The following PACRG variants were observed in gnomAD, a reference collection of about 807,000 sequenced individuals.
PACRG encodes the protein parkin coregulated, also known as parkin coregulated gene protein.
Under a neutral mutation model 29.7 loss-of-function variants are expected in PACRG, and 29 were observed. The ratio of observed to expected loss-of-function variants is 0.98; its 90% CI spans 0.73 to 1.33. The LOEUF is 1.33. Among genes scored for constraint, PACRG ranks in the 40% most tolerant of loss-of-function variants. The pLI, the probability that PACRG is intolerant of heterozygous loss-of-function variation, is 0.00. For missense variants in PACRG, 279 were observed against 316.2 expected (o/e 0.88, Z 0.89); for synonymous variants, 116 against 118.7 (o/e 0.98, Z 0.15).
chr6:163,295,725 A>G (rs1202117292), intron 4 of PACRG, among the ~76,000 whole-genome samples: 2 of 152,358 alleles, frequency 1.3e-5, no homozygotes, highest in East Asian at 3.9e-4. Context: ...TTACTAGTAG[A>G]TAGCAGCTGC....
intron 4 of PACRG, among the ~76,000 whole-genome samples, chr6:163,149,239 G>A (rs1777967264): frequency 6.6e-6 from 1 of 151,944 alleles, no homozygotes; most frequent in African/African-American, 2.4e-5. Flanking sequence ...AGCTTCCGGA[G>A]GGGACGCCTC....
At chr6:163,189,980 A>T (rs931449280) in intron 4 of PACRG, 4 of 152,232 alleles carry the variant, frequency 2.6e-5, no homozygotes, top group Non-Finnish European at 5.9e-5. Context: ...AGTAACATTC[A>T]TTTATATGAA....
At chr6:162,996,129 CGTGT>C (rs1249963693) in intron 2 of PACRG, among the ~76,000 whole-genome samples, 2 of 152,028 alleles carry the variant, frequency 1.3e-5, no homozygotes, top group African/African-American at 4.8e-5. Context: ...TCTCACCACT[CGTGT>C]GTGTGCATGC....
At chr6:163,057,449 T>G (rs900957091) in intron 2 of PACRG, among the ~76,000 whole-genome samples, 1 of 152,172 alleles carries the variant, frequency 6.6e-6, no homozygotes, top group South Asian at 2.1e-4. Flanking sequence ...AGAGTCTCAC[T>G]CTGTCACCCA....
intron 4 of PACRG, among the ~76,000 whole-genome samples, chr6:163,106,982 G>T (rs1815417164): frequency 6.6e-6 from 1 of 152,152 alleles, no homozygotes; most frequent in Non-Finnish European, 1.5e-5. Flanking sequence ...TAAGTTTGGG[G>T]AAGATGAGTT....
At chr6:163,255,918 G>A (rs1431752144) in intron 4 of PACRG, among the ~76,000 whole-genome samples, 1 of 152,194 alleles carries the variant, frequency 6.6e-6, no homozygotes, top group Non-Finnish European at 1.5e-5. Context: ...TTACAGGTGT[G>A]AGCCACCATG....
At chr6:163,139,835 C>T (rs1384093607) in intron 4 of PACRG, among the ~76,000 whole-genome samples, 1 of 152,210 alleles carries the variant, frequency 6.6e-6, no homozygotes, top group Non-Finnish European at 1.5e-5. Context: ...TTACTATTTT[C>T]TTTGTAGACT....
At chr6:162,762,849 T>C (rs1054248453) in intron 1 of PACRG, among the ~76,000 whole-genome samples, 3 of 152,258 alleles carry the variant, frequency 2.0e-5, no homozygotes, top group Non-Finnish European at 2.9e-5. Context: ...CAACAAAGTA[T>C]AACTTTGATT....
At chr6:162,904,746 A>G (rs1190688683) in intron 2 of PACRG, among the ~76,000 whole-genome samples, 3 of 152,336 alleles carry the variant, frequency 2.0e-5, no homozygotes, top group Non-Finnish European at 4.4e-5. Context: ...AGAGAAACCC[A>G]GTGCCTGACC....
At chr6:162,918,697 A>G (rs1796863810) in intron 2 of PACRG, among the ~76,000 whole-genome samples, 1 of 152,232 alleles carries the variant, frequency 6.6e-6, no homozygotes, top group Non-Finnish European at 1.5e-5. Flanking sequence ...ATTACTAAGC[A>G]ACTGAAGAAT....
chr6:163,201,794 G>A (rs564773244), intron 4 of PACRG, among the ~76,000 whole-genome samples: 1 of 152,228 alleles, frequency 6.6e-6, no homozygotes, highest in Non-Finnish European at 1.5e-5. Context: ...GGGGTGACAT[G>A]GGGATGTTAG....
At position 162,915,393 on chromosome 6, in the gene PACRG, A is replaced by C. The variant is rs192204194; in HGVS notation, c.291+101112A>C. ...TGTAGGTATTTATATAACCATTTAA[A>C]ATGTAACCATTTAGAAATACAAAAT... On this transcript the variant is annotated intron_variant, in intron 2 of 4. Transcript: ENST00000366888. Among the ~76,000 whole-genome samples, 66 of 152,166 alleles carry C rather than the reference A, an allele frequency of 4.3e-4. 2 individuals are homozygous for C. In the East Asian group the frequency reaches 0.011, roughly 25 times the overall value.
intron 2 of PACRG, among the ~76,000 whole-genome samples, chr6:162,849,270 AT>A (rs1229949720): frequency 6.6e-6 from 1 of 152,228 alleles, no homozygotes; most frequent in East Asian, 1.9e-4. Flanking sequence ...AGTGGGGAAT[AT>A]CACACAAGCA....
intron 2 of PACRG, among the ~76,000 whole-genome samples, chr6:162,877,614 A>T (rs2128006354): frequency 6.6e-6 from 1 of 152,098 alleles, no homozygotes; most frequent in South Asian, 2.1e-4. Flanking sequence ...AAAGGAAAAT[A>T]TTTTCCAAAA....
intron 2 of PACRG, among the ~76,000 whole-genome samples, chr6:162,911,556 A>T (rs990340530): frequency 4.6e-5 from 7 of 152,228 alleles, no homozygotes; most frequent in African/African-American, 1.7e-4. Context: ...GGATATATAG[A>T]TAGATATGCA....
rs561820124 is a variant in PACRG, at chr6:163,314,035, A to G, written c.614-792A>G. ...TGATTTGAGATTGAGTCTGTGGTGT[A>G]GAGGAGAGGCTCTTAGCCATAGGTT... On this transcript the variant is annotated intron_variant, in intron 4 of 4. Transcript: ENST00000366888. Among the ~76,000 whole-genome samples the G allele has an allele frequency of 5.3e-5, 8 of 152,296 alleles. No homozygotes were observed. The East Asian group carries it at 1.5e-3, about 29-fold the overall frequency.
intron 2 of PACRG, among the ~76,000 whole-genome samples, chr6:162,826,452 C>A (rs968339236): frequency 4.8e-5 from 7 of 146,526 alleles, no homozygotes; most frequent in Non-Finnish European, 9.0e-5. Context: ...AAAGATTTTT[C>A]TTTTTTCTTT....
Position 163,267,389 on chromosome 6 carries a change from G to A in PACRG, c.614-47438G>A, listed in dbSNP as rs148835516. On this transcript the variant is annotated intron_variant, in intron 4 of 4. Transcript: ENST00000366888. ...TTGTTTAGTCAAGAAATGAGCCAACGTACAAGAACAGAAGGCAGCCTGCTT... is the reference window on the plus strand; with the variant it reads ...TTGTTTAGTCAAGAAATGAGCCAACATACAAGAACAGAAGGCAGCCTGCTT... 1.9e-3 allele frequency among the ~76,000 whole-genome samples: 291 copies of A among 152,300 alleles called. 1 individual carries two copies. The highest frequency in any genetic ancestry group is 6.7e-3 in the African/African-American group (279 of 41,552).
chr6:163,286,043 A>G (rs1329216846), intron 4 of PACRG, among the ~76,000 whole-genome samples: 1 of 152,198 alleles, frequency 6.6e-6, no homozygotes, highest in Non-Finnish European at 1.5e-5. Context: ...AAGTATGCAT[A>G]TTTTGGAGCA....
Sources: gnomAD v4.1 joint callset for allele counts (sites outside exome capture counted in the v4.1 genomes callset) on GRCh38, gnomAD v4.1.1 for gene constraint, MANE v1.5 for transcripts, NCBI Gene and HGNC (gene_info 2026-07-23, HGNC 2026-07-21) for gene names.